PLXDC1: variants seen among roughly 807,000 people sequenced by gnomAD.
The protein encoded by PLXDC1 is plexin domain containing 1.
Under a neutral mutation model 61.3 loss-of-function variants are expected in PLXDC1, and 39 were observed. The observed-to-expected ratio is 0.64, with a 90% CI of 0.49 to 0.83. The LOEUF (loss-of-function observed/expected upper bound fraction) is 0.83. Ranked by LOEUF, PLXDC1 falls within the 40% of genes least tolerant of loss-of-function variation. The pLI is 0.00. For missense variants in PLXDC1, 596 were observed against 666.5 expected (o/e 0.89, Z 1.17); for synonymous variants, 212 against 254.5 (o/e 0.83, Z 1.59).
At chr17:39,147,390 G>T (rs2143991612) in intron 1 of PLXDC1, among the ~76,000 whole-genome samples, 1 of 152,152 alleles carries the variant, frequency 6.6e-6, no homozygotes, top group Admixed American at 6.5e-5. Context: ...GCCCCACGAT[G>T]ATGAAACTCT....
chr17:39,082,292 G>A (rs754136812), intron 9 of PLXDC1, among the ~76,000 whole-genome samples: 4 of 152,218 alleles, frequency 2.6e-5, no homozygotes, highest in Non-Finnish European at 5.9e-5. Context: ...TGGGGCCGGG[G>A]CAGTGGCTCA....
At chr17:39,099,848 G>A (rs890855564) in intron 7 of PLXDC1, among the ~76,000 whole-genome samples, 1 of 152,102 alleles carries the variant, frequency 6.6e-6, no homozygotes, top group Non-Finnish European at 1.5e-5. Context: ...CGCTAGCATG[G>A]CCCCCAGAGA....
At chr17:39,102,705 T>TACACAC (rs553513409) in intron 7 of PLXDC1, among the ~76,000 whole-genome samples, 3,763 of 136,002 alleles carry the variant, frequency 0.028, 163 homozygotes, top group Admixed American at 0.11. Flanking sequence ...TGCTATCAAA[T>TACACAC]ACACACACAC....
chr17:39,108,973 T>G lies in PLXDC1; in HGVS notation c.400A>C (p.Arg134=). The G allele has an allele frequency of 2.5e-6, 4 of 1,611,420 alleles. No individual in the cohort carries two copies. Among genetic ancestry groups the G allele is most frequent in the Non-Finnish European group, 3.4e-6 (4 of 1,177,896 alleles). The change falls in exon 4 of 14, where the codon AGA becomes CGA. Residue 134 remains arginine (R), a splice_region_variant and synonymous_variant. Coordinates refer to ENST00000315392, the MANE Select transcript of PLXDC1 (RefSeq NM_020405.5). Reference sequence around the variant, plus strand: ...GGGAAATCAAAGGACAAGACCACTCTCTGCAGGGGATGGGAGAAAGTCAGC... The same window carrying G: ...GGGAAATCAAAGGACAAGACCACTCGCTGCAGGGGATGGGAGAAAGTCAGC... The part of the protein sequence containing the change: ...ILSNTHRQAS[R]VVLSFDFPFY...
chr17:39,064,529 A>G lies in PLXDC1; in HGVS notation c.*3311T>C, dbSNP rs1292733880. 1 of 152,246 alleles carries G rather than the reference A, an allele frequency of 6.6e-6. No homozygotes were observed. The highest frequency in any genetic ancestry group is 6.5e-5 in the Admixed American group (1 of 15,282). The allele number at this position is 152,246 out of a possible 1,614,324, so 9.4% of individuals were successfully genotyped here. A position where few individuals can be genotyped will look rare whatever the true frequency, so the allele number is the denominator to read the frequency against. On this transcript the variant is annotated 3_prime_UTR_variant, in exon 14 of 14. Coordinates refer to ENST00000315392, the MANE Select transcript of PLXDC1 (RefSeq NM_020405.5). ...AAATGTTAGATCACAGCCTCTTCTTAGTCATACCCATTTATACATGTCATG... is the reference window on the plus strand; with the variant it reads ...AAATGTTAGATCACAGCCTCTTCTTGGTCATACCCATTTATACATGTCATG...
At chr17:39,138,519 G>A (rs968675192) in intron 2 of PLXDC1, among the ~76,000 whole-genome samples, 4 of 152,134 alleles carry the variant, frequency 2.6e-5, no homozygotes, top group African/African-American at 4.8e-5. Flanking sequence ...TCCCTGAGCC[G>A]CAGCAGGCCA....
At chr17:39,089,456 A>G (rs1468685645) in intron 7 of PLXDC1, among the ~76,000 whole-genome samples, 1 of 152,188 alleles carries the variant, frequency 6.6e-6, no homozygotes, top group Admixed American at 6.5e-5. Context: ...ATGGAGAGAA[A>G]CAGGAAGTGC....
At chr17:39,092,099 G>T (rs954324453) in intron 7 of PLXDC1, among the ~76,000 whole-genome samples, 6 of 151,886 alleles carry the variant, frequency 4.0e-5, no homozygotes, top group Non-Finnish European at 5.9e-5. Flanking sequence ...TTTATTTAGA[G>T]ACAGGGTCTC....
rs868468832 is a variant in PLXDC1, at chr17:39,145,277, C to A, written c.77-5445G>T. On this transcript the variant is annotated intron_variant, in intron 1 of 13. Transcript: ENST00000315392. ...GTGTCCCCCAGCATGCAGGGTACAG[C>A]CCAGCAGTAGCGTCCCAGTCCCCTC... Among the ~76,000 whole-genome samples the A allele has an allele frequency of 1.1e-4, 17 of 152,280 alleles. No individual in the cohort carries two copies. In the South Asian group the frequency reaches 1.5e-3, roughly 13 times the overall value.
intron 2 of PLXDC1, among the ~76,000 whole-genome samples, chr17:39,122,350 G>C (rs1211793383): frequency 3.2e-5 from 4 of 126,612 alleles, no homozygotes; most frequent in Admixed American, 9.5e-5. Context: ...CTGCACTCCA[G>C]CCTGGGTGAC....
Position 39,109,323 on chromosome 17 carries a change from C to G in PLXDC1, c.324G>C (p.Trp108Cys). The G allele has an allele frequency of 6.2e-7, 1 of 1,612,054 alleles. No individual in the cohort carries two copies. Among genetic ancestry groups the G allele is most frequent in the East Asian group, 2.2e-5 (1 of 44,816 alleles). Residue 108 changes from tryptophan (W) to cysteine (C), a missense_variant, in exon 3 of 14, where the codon TGG becomes TGC. Trp to Cys is a radical substitution (Grantham distance 215). Transcript: ENST00000315392. ...GPSEPHSREL[W>C]VDVAEANRSQ... The stretch of plus-strand genomic sequence containing the variant: ...TCCGGTTGGCCTCGGCCACATCTAC[C>G]CACAGTTCCCGGCTGTGGGGCTCGC...
At chr17:39,108,347 GA>G (rs1910670147) in intron 4 of PLXDC1, 102 bp from the exon 5 acceptor site, 1 of 1,282,310 alleles carries the variant, frequency 7.8e-7, no homozygotes, top group Non-Finnish European at 1.1e-6. Context: ...GGCAGAGCTG[GA>G]AGTGAGCCTG....
chr17:39,084,745 A>G (rs12601378), intron 8 of PLXDC1, among the ~76,000 whole-genome samples: 40,523 of 152,134 alleles, frequency 0.27, 6,272 homozygotes, highest in East Asian at 0.43. Flanking sequence ...GAGCCAGAGA[A>G]CAGAGAGATT....
At chr17:39,152,365 A>T (rs3025193), upstream of PLXDC1, 46 of 493,972 alleles carry the variant, frequency 9.3e-5, no homozygotes, top group African/African-American at 8.6e-4. Flanking sequence ...CTTCAGAGCC[A>T]GCCCCAGACG....
At chr17:39,108,812 A>C in intron 4 of PLXDC1, 92 bp downstream of exon 4, 1 of 806,336 alleles carries the variant, frequency 1.2e-6, no homozygotes, top group Non-Finnish European at 2.1e-6. Context: ...CATTTCATAT[A>C]ACCCTGTCTC....
chr17:39,148,943 GC>G (rs1385517375), intron 1 of PLXDC1, among the ~76,000 whole-genome samples: 1 of 152,082 alleles, frequency 6.6e-6, no homozygotes, highest in Non-Finnish European at 1.5e-5. Context: ...TTGGTATTGA[GC>G]CTGGCCTCCT....
intron 2 of PLXDC1, among the ~76,000 whole-genome samples, chr17:39,110,635 G>A (rs995029204): frequency 2.6e-5 from 4 of 152,228 alleles, no homozygotes; most frequent in Admixed American, 1.3e-4. Flanking sequence ...GGAGCCCTGG[G>A]TCATTAATCA....
chr17:39,129,620 GAAAGAAAGA>G (rs1911470178), intron 2 of PLXDC1, among the ~76,000 whole-genome samples: 1 of 135,228 alleles, frequency 7.4e-6, no homozygotes. Context: ...CTGTCAGAAA[GAAAGAAAGA>G]AAAGAAAGAA....
At chr17:39,084,113 T>C (rs1909660013) in intron 8 of PLXDC1, among the ~76,000 whole-genome samples, 1 of 152,182 alleles carries the variant, frequency 6.6e-6, no homozygotes, top group Non-Finnish European at 1.5e-5. Flanking sequence ...GTGCTGTAAG[T>C]GTGTACAAAG....
Sources: allele counts gnomAD v4.1 joint callset (sites outside exome capture counted in the v4.1 genomes callset), GRCh38; gene constraint gnomAD v4.1.1; transcripts MANE v1.5; gene names NCBI Gene and HGNC (gene_info 2026-07-23, HGNC 2026-07-21).